VWC2L: variants seen among roughly 807,000 people sequenced by gnomAD.
VWC2L encodes von Willebrand factor C domain containing 2 like, also known as von Willebrand factor C domain-containing protein 2-like.
Under a neutral mutation model 21.6 loss-of-function variants are expected in VWC2L, and 10 were observed. The ratio of observed to expected loss-of-function variants is 0.46; its 90% confidence interval spans 0.29 to 0.78. The LOEUF is 0.78. Among genes scored for constraint, VWC2L ranks in the 30% least tolerant of loss-of-function variants. VWC2L has a pLI of 0.10. For missense variants in VWC2L, 209 were observed against 277.1 expected, an observed-to-expected ratio of 0.75 and a Z score of 1.74; for synonymous variants, 96 against 94.3, an observed-to-expected ratio of 1.02 and a Z score of -0.10.
intron 2 of VWC2L, among the ~76,000 whole-genome samples, chr2:214,428,910 C>G (rs1346248359): frequency 6.6e-6 from 1 of 151,784 alleles, no homozygotes. Flanking sequence ...TAACTCCCAT[C>G]CCTTAGACCC....
chr2:214,555,786 T>C (rs1689864100), intron 3 of VWC2L, among the ~76,000 whole-genome samples: 1 of 152,244 alleles, frequency 6.6e-6, no homozygotes, highest in Non-Finnish European at 1.5e-5. Context: ...AATTGTACTT[T>C]ATTTATTTGC....
intron 3 of VWC2L, among the ~76,000 whole-genome samples, chr2:214,443,713 G>A (rs189766303): frequency 4.5e-4 from 68 of 152,248 alleles, no homozygotes; most frequent in Admixed American, 9.2e-4. Context: ...CTAAAAGGCC[G>A]GAGTTATGTT....
intron 2 of VWC2L, among the ~76,000 whole-genome samples, chr2:214,416,756 A>T (rs1039005703): frequency 6.6e-6 from 1 of 152,090 alleles, no homozygotes; most frequent in Non-Finnish European, 1.5e-5. Flanking sequence ...CCATAGTGGT[A>T]TTGACCATAA....
intron 3 of VWC2L, among the ~76,000 whole-genome samples, chr2:214,524,240 TTTTCTG>T (rs1482330672): frequency 1.3e-5 from 2 of 152,182 alleles, no homozygotes; most frequent in African/African-American, 2.4e-5. Flanking sequence ...AACCTCTCAG[TTTTCTG>T]TTTCTATCTA....
Position 214,411,137 on chromosome 2 carries a change from TC to T in VWC2L, c.-727del, listed in dbSNP as rs760572565. 6.6e-6 allele frequency: 1 copy of T among 152,126 alleles called. No homozygotes were observed. The highest frequency in any genetic ancestry group is 1.5e-5 in the Non-Finnish European group (1 of 68,078). The allele number at this position is 152,126 out of a possible 1,614,324, so 9.4% of individuals were successfully genotyped here. ...GGCGCTGTCCGTGGTGCTGAGGAAT[TC>T]CCGGCTGCCGGCAGAATGAGCTCCA... On this transcript the variant is annotated 5_prime_UTR_variant, in exon 1 of 4. Coordinates refer to ENST00000312504, the MANE Select transcript of VWC2L (RefSeq NM_001080500.4).
At chr2:214,489,980 C>T (rs1464919542) in intron 3 of VWC2L, among the ~76,000 whole-genome samples, 1 of 152,188 alleles carries the variant, frequency 6.6e-6, no homozygotes, top group East Asian at 1.9e-4. Context: ...AGGAACTAGT[C>T]ACTGGGTGCA....
rs752494161 is a variant in VWC2L, at chr2:214,521,276, TAAAA to T, written c.521-54395_521-54392del. Among the ~76,000 whole-genome samples, 642 of 134,890 alleles carry T rather than the reference TAAAA, an allele frequency of 4.8e-3. 1 individual carries two copies. Among genetic ancestry groups the T allele is most frequent in the East Asian group, 0.013 (59 of 4,470 alleles). 88.5% of individuals were successfully genotyped at this position (134,890 alleles called of 152,430 possible). A position where few individuals can be genotyped will look rare whatever the true frequency, so the allele number is the denominator to read the frequency against. ...ATAAATAAATAAATAAATAAATAAA[TAAAA>T]CTACCAAGTTTGAGCAAACATGCTA... On this transcript the variant is annotated intron_variant, in intron 3 of 3. Transcript: ENST00000312504.
chr2:214,412,771 A>G lies in VWC2L; in HGVS notation c.-81+985A>G, dbSNP rs181938669. On this transcript the variant is annotated intron_variant, in intron 1 of 3. Coordinates refer to ENST00000312504, the MANE Select transcript of VWC2L (RefSeq NM_001080500.4). ...TCATCTTTATCTTGTTATCGTCTGT[A>G]TATGTTAGACTGAAAAGAGATGGTT... 4.1e-4 allele frequency among the ~76,000 whole-genome samples: 63 copies of G among 152,168 alleles called. 1 individual carries two copies. The highest frequency in any genetic ancestry group is 3.6e-3 in the Admixed American group (55 of 15,278).
At chr2:214,460,614 A>T (rs561536882) in intron 3 of VWC2L, among the ~76,000 whole-genome samples, 42 of 152,016 alleles carry the variant, frequency 2.8e-4, no homozygotes, top group African/African-American at 9.6e-4. Flanking sequence ...TCCAGGATTC[A>T]TTTGGTTCTT....
At chr2:214,495,774 AG>A (rs1429830740) in intron 3 of VWC2L, among the ~76,000 whole-genome samples, 1 of 152,166 alleles carries the variant, frequency 6.6e-6, no homozygotes, top group African/African-American at 2.4e-5. Context: ...TTCACTCTCA[AG>A]CTGTATTATT....
chr2:214,418,750 A>C (rs1423750611), intron 2 of VWC2L, among the ~76,000 whole-genome samples: 1 of 152,178 alleles, frequency 6.6e-6, no homozygotes, highest in African/African-American at 2.4e-5. Flanking sequence ...GTTTCTGTTT[A>C]TGTGTTGATC....
At chr2:214,470,506 T>C (rs1012201812) in intron 3 of VWC2L, among the ~76,000 whole-genome samples, 8 of 152,142 alleles carry the variant, frequency 5.3e-5, no homozygotes, top group East Asian at 3.9e-4. Flanking sequence ...AAGGTTATTT[T>C]TGATTTTGCA....
At chr2:214,500,788 T>C (rs890458079) in intron 3 of VWC2L, among the ~76,000 whole-genome samples, 1 of 152,168 alleles carries the variant, frequency 6.6e-6, no homozygotes, top group Non-Finnish European at 1.5e-5. Context: ...GTTCAGTTAT[T>C]AAGAGGTGTA....
chr2:214,532,990 C>A (rs893638071), intron 3 of VWC2L, among the ~76,000 whole-genome samples: 2 of 152,022 alleles, frequency 1.3e-5, no homozygotes, highest in African/African-American at 4.8e-5. Flanking sequence ...CAACCCAAAT[C>A]CTTTGTGATA....
intron 3 of VWC2L, among the ~76,000 whole-genome samples, chr2:214,555,464 G>A (rs972765759): frequency 2.0e-5 from 3 of 152,188 alleles, no homozygotes; most frequent in African/African-American, 7.2e-5. Context: ...GCCATTGAGA[G>A]CTGGAAATAC....
At position 214,513,627 on chromosome 2, in the gene VWC2L, T is replaced by C. The variant is rs755861973; in HGVS notation, c.521-62045T>C. On this transcript the variant is annotated intron_variant, in intron 3 of 3. Coordinates refer to ENST00000312504, the MANE Select transcript of VWC2L (RefSeq NM_001080500.4). ...TGTTATTCATTCATTCACTCATTCATTCAGCTATTCAATATATAATTTTGG... is the reference window on the plus strand; with the variant it reads ...TGTTATTCATTCATTCACTCATTCACTCAGCTATTCAATATATAATTTTGG... Among the ~76,000 whole-genome samples, 37 of 152,230 alleles carry C rather than the reference T, an allele frequency of 2.4e-4. No homozygotes were observed. In the South Asian group the frequency reaches 3.5e-3, roughly 14 times the overall value.
At chr2:214,474,417 G>T (rs780490481) in intron 3 of VWC2L, among the ~76,000 whole-genome samples, 2 of 152,066 alleles carry the variant, frequency 1.3e-5, no homozygotes, top group Non-Finnish European at 2.9e-5. Context: ...TTCTCTGCCT[G>T]CCTCCCAGGT....
intron 3 of VWC2L, among the ~76,000 whole-genome samples, chr2:214,525,845 G>A (rs571810358): frequency 3.3e-4 from 50 of 152,272 alleles, no homozygotes; most frequent in African/African-American, 1.1e-3. Context: ...CACAATGTGA[G>A]TGTGGTTTGA....
intron 3 of VWC2L, among the ~76,000 whole-genome samples, chr2:214,507,853 C>A (rs1303105571): frequency 6.6e-6 from 1 of 152,142 alleles, no homozygotes; most frequent in Non-Finnish European, 1.5e-5. Context: ...AAGGAATTTG[C>A]AGCTAGTTGC....
Sources: gnomAD v4.1 joint callset for allele counts (sites outside exome capture counted in the v4.1 genomes callset) on GRCh38, gnomAD v4.1.1 for gene constraint, MANE v1.5 for transcripts, NCBI Gene and HGNC (gene_info 2026-07-23, HGNC 2026-07-21) for gene names.